The following RAB3GAP2 variants were observed in gnomAD, a reference collection of about 807,000 sequenced individuals.
RAB3GAP2 encodes the protein RAB3 GTPase activating non-catalytic protein subunit 2, also known as rab3 GTPase-activating protein non-catalytic subunit.
RAB3GAP2 carries 87 observed loss-of-function variants against 185.3 expected under a neutral mutation model. The observed-to-expected ratio is 0.47, with a 90% CI of 0.39 to 0.56. The LOEUF is 0.56. Ranked by LOEUF, RAB3GAP2 falls within the 20% of genes least tolerant of loss-of-function variation. The pLI is 0.00. For synonymous variants in RAB3GAP2, 554 were observed against 576.1 expected (o/e 0.96, Z 0.55); for missense variants, 1,492 against 1,638.2 (o/e 0.91, Z 1.54).
chr1:220,226,935 C>T (rs1474952367), intron 2 of RAB3GAP2, among the ~76,000 whole-genome samples: 1 of 152,148 alleles, frequency 6.6e-6, no homozygotes, highest in South Asian at 2.1e-4. Flanking sequence ...CTCTTTCCCT[C>T]CCAGCATGTG....
chr1:220,254,473 T>C (rs1164477239), intron 1 of RAB3GAP2: 3 of 1,613,464 alleles, frequency 1.9e-6, no homozygotes, highest in Non-Finnish European at 8.5e-7. Context: ...GGCAAAGAAT[T>C]CTGCAACTTT....
chr1:220,184,440 T>C (rs1658472648), intron 18 of RAB3GAP2, among the ~76,000 whole-genome samples: 3 of 152,088 alleles, frequency 2.0e-5, no homozygotes, highest in Admixed American at 2.0e-4. Flanking sequence ...TTAAAGAAAT[T>C]ATCTGGAAAT....
intron 1 of RAB3GAP2, among the ~76,000 whole-genome samples, chr1:220,255,550 C>T (rs969903253): frequency 6.6e-6 from 1 of 152,140 alleles, no homozygotes; most frequent in Non-Finnish European, 1.5e-5. Context: ...AATACAGGAG[C>T]TGATAGCCAC....
intron 1 of RAB3GAP2, among the ~76,000 whole-genome samples, chr1:220,255,387 C>T (rs1490892321): frequency 1.3e-5 from 2 of 152,158 alleles, no homozygotes; most frequent in East Asian, 3.9e-4. Context: ...TAAATGACTG[C>T]AACACCCCTC....
rs113970850 is a variant in RAB3GAP2, at chr1:220,267,608, C to A, written c.115+4615G>T. The A allele has an allele frequency of 2.9e-3, 3,960 of 1,376,114 alleles. 18 individuals are homozygous for A. The highest frequency in any genetic ancestry group is 3.8e-3 in the Non-Finnish European group (3,638 of 963,608). 85.2% of individuals were successfully genotyped at this position (1,376,114 alleles called of 1,614,324 possible). A position where few individuals can be genotyped will look rare whatever the true frequency, so the allele number is the denominator to read the frequency against. ...CCTCAGGATTATTTTCAGGTGCCGA[C>A]AGCGGGGACTGCTTGCTGTTTTGGG... On this transcript the variant is annotated intron_variant, in intron 1 of 34. Coordinates refer to ENST00000358951, the MANE Select transcript of RAB3GAP2 (RefSeq NM_012414.4).
intron 21 of RAB3GAP2, among the ~76,000 whole-genome samples, chr1:220,176,579 C>T (rs1294524746): frequency 6.6e-6 from 1 of 152,196 alleles, no homozygotes; most frequent in Non-Finnish European, 1.5e-5. Context: ...CCCGCTAGCA[C>T]TGGTCTCAGC....
Position 220,181,235 on chromosome 1 carries a change from C to T in RAB3GAP2, c.2310+1022G>A, listed in dbSNP as rs537424646. ...CTCCCTGATTCAAGGGATCCTCATG[C>T]CTCAGCCTCTTGAGTAGCTGGGAAT... On this transcript the variant is annotated intron_variant, in intron 21 of 34. Coordinates refer to ENST00000358951, the MANE Select transcript of RAB3GAP2 (RefSeq NM_012414.4). 1.0e-3 allele frequency among the ~76,000 whole-genome samples: 155 copies of T among 152,288 alleles called. 4 individuals carry two copies. In the South Asian group the frequency reaches 0.032, roughly 31 times the overall value.
intron 4 of RAB3GAP2, 37 bp from the exon 5 acceptor site, chr1:220,211,039 A>G (rs1252017811): frequency 6.3e-7 from 1 of 1,584,226 alleles, no homozygotes; most frequent in South Asian, 1.1e-5. Context: ...TTACCCACTG[A>G]ACTTACCAAT....
intron 8 of RAB3GAP2, among the ~76,000 whole-genome samples, chr1:220,202,929 G>A (rs1445379491): frequency 3.3e-5 from 5 of 152,114 alleles, no homozygotes; most frequent in Non-Finnish European, 7.3e-5. Context: ...GGTAAGAGAG[G>A]GAGACTCCGT....
intron 3 of RAB3GAP2, 87 bp from the exon 4 acceptor site, chr1:220,213,055 A>C: frequency 1.1e-6 from 1 of 940,866 alleles, no homozygotes; most frequent in Non-Finnish European, 1.6e-6. Flanking sequence ...TCCCCTTAGA[A>C]TATGATTACA....
chr1:220,242,314 G>A (rs888327280), intron 1 of RAB3GAP2, among the ~76,000 whole-genome samples: 2 of 152,050 alleles, frequency 1.3e-5, no homozygotes, highest in Admixed American at 6.6e-5. Context: ...ACATTTGTTC[G>A]TTATTAAGTT....
At chr1:220,212,863 A>C in intron 4 of RAB3GAP2, 24 bp downstream of exon 4, 1 of 1,576,298 alleles carries the variant, frequency 6.3e-7, no homozygotes. Flanking sequence ...ACACACAGAG[A>C]AACAAAAATT....
chr1:220,204,505 T>C (rs1658922935), intron 8 of RAB3GAP2, among the ~76,000 whole-genome samples: 4 of 152,198 alleles, frequency 2.6e-5, no homozygotes. Context: ...TCACCAAAGT[T>C]AAACTTTGTT....
chr1:220,169,300 A>G (rs891338383), intron 24 of RAB3GAP2, among the ~76,000 whole-genome samples: 3 of 152,230 alleles, frequency 2.0e-5, no homozygotes, highest in Non-Finnish European at 4.4e-5. Flanking sequence ...TGAGCCCCCA[A>G]AGACAACTAA....
intron 7 of RAB3GAP2, 24 bp from the exon 8 acceptor site, chr1:220,206,030 A>T: frequency 7.1e-7 from 1 of 1,402,766 alleles, no homozygotes; most frequent in Non-Finnish European, 9.9e-7. Context: ...AAAAAAAAAA[A>T]GTTCTTGAAT....
intron 17 of RAB3GAP2, among the ~76,000 whole-genome samples, chr1:220,186,255 T>A (rs959109891): frequency 1.3e-5 from 2 of 152,122 alleles, no homozygotes; most frequent in African/African-American, 4.8e-5. Flanking sequence ...TATTTAAGAT[T>A]CTTCATAACC....
chr1:220,244,737 C>A (rs1255464679), intron 1 of RAB3GAP2, among the ~76,000 whole-genome samples: 1 of 151,956 alleles, frequency 6.6e-6, no homozygotes, highest in Non-Finnish European at 1.5e-5. Flanking sequence ...AATAAAGAAC[C>A]CAGAAGTAAA....
At chr1:220,194,784 A>G (rs1348118134) in intron 12 of RAB3GAP2, among the ~76,000 whole-genome samples, 2 of 152,244 alleles carry the variant, frequency 1.3e-5, no homozygotes, top group Non-Finnish European at 2.9e-5. Context: ...GAAATTTAAC[A>G]GCTATCACTG....
At chr1:220,210,264 T>G in intron 7 of RAB3GAP2, 124 bp downstream of exon 7, 1 of 784,976 alleles carries the variant, frequency 1.3e-6, no homozygotes, top group Non-Finnish European at 2.3e-6. Flanking sequence ...TAGACTATGA[T>G]AGCAGAGCTA....
Sources: allele counts gnomAD v4.1 joint callset (sites outside exome capture counted in the v4.1 genomes callset), GRCh38; gene constraint gnomAD v4.1.1; transcripts MANE v1.5; gene names NCBI Gene and HGNC (gene_info 2026-07-23, HGNC 2026-07-21).